Variants in SPON1 observed in about 807,000 individuals in gnomAD.
SPON1 encodes the protein spondin-1.
In SPON1, 52 loss-of-function variants were observed where a neutral mutation model predicts 111.7. The ratio of observed to expected loss-of-function variants is 0.47; its 90% CI spans 0.37 to 0.59. SPON1 has a LOEUF of 0.59. SPON1 is among the 20% of genes least tolerant of loss of function. The probability of loss-of-function intolerance (pLI) is 0.00; values close to 1 mark genes in which losing one functional copy is unlikely to be tolerated. For synonymous variants in SPON1, 410 were observed against 395.8 expected (o/e 1.04, Z -0.43); for missense variants, 957 against 1,068.5 (o/e 0.90, Z 1.46).
At chr11:14,031,521 A>T (rs556923223) in intron 2 of SPON1, among the ~76,000 whole-genome samples, 53 of 152,318 alleles carry the variant, frequency 3.5e-4, no homozygotes, top group African/African-American at 1.3e-3. Context: ...CTGGAAAAAT[A>T]TTGAGGCTCC....
At chr11:14,211,967 C>T (rs1771669805) in intron 6 of SPON1, among the ~76,000 whole-genome samples, 1 of 151,770 alleles carries the variant, frequency 6.6e-6, no homozygotes, top group African/African-American at 2.4e-5. Context: ...TAATCTTAAT[C>T]CATTATTGAT....
intron 3 of SPON1, among the ~76,000 whole-genome samples, chr11:14,073,569 T>C (rs569186539): frequency 1.2e-4 from 18 of 152,310 alleles, no homozygotes; most frequent in African/African-American, 4.3e-4. Flanking sequence ...AATTAGCTCC[T>C]AGTTTGCTCT....
intron 3 of SPON1, among the ~76,000 whole-genome samples, chr11:14,068,692 C>T (rs1246735170): frequency 1.8e-4 from 28 of 152,302 alleles, no homozygotes; most frequent in African/African-American, 6.3e-4. Context: ...AGAAGTTACA[C>T]CTGGTCAACC....
chr11:14,195,422 C>T (rs935827880), intron 6 of SPON1, among the ~76,000 whole-genome samples: 2 of 152,100 alleles, frequency 1.3e-5, no homozygotes, highest in Non-Finnish European at 2.9e-5. Context: ...GGCCTGGAAT[C>T]AAAGGACAAA....
intron 3 of SPON1, among the ~76,000 whole-genome samples, chr11:14,063,399 C>A (rs1554920061): frequency 6.6e-6 from 1 of 152,116 alleles, no homozygotes; most frequent in Admixed American, 6.6e-5. Flanking sequence ...GGTTTCCTTC[C>A]TTCCCTCCCT....
chr11:14,205,555 C>T (rs562214452), intron 6 of SPON1, among the ~76,000 whole-genome samples: 2 of 152,234 alleles, frequency 1.3e-5, no homozygotes, highest in African/African-American at 2.4e-5. Flanking sequence ...CTGTTTAGGT[C>T]GGAGTTTTAT....
rs575458265 is a variant in SPON1, at chr11:14,099,869, G to C, written c.676+19848G>C. ...GGAAGCAACTGATGTCATACGGTGAGAGAAGGAGTGAGGGACAGAGGGAAG... is the reference window on the plus strand; with the variant it reads ...GGAAGCAACTGATGTCATACGGTGACAGAAGGAGTGAGGGACAGAGGGAAG... On this transcript the variant is annotated intron_variant, in intron 5 of 15. Transcript: ENST00000576479. 1.1e-3 allele frequency among the ~76,000 whole-genome samples: 168 copies of C among 152,186 alleles called. 1 individual carries two copies. Among genetic ancestry groups the C allele is most frequent in the Middle Eastern group, 6.8e-3 (2 of 294 alleles).
chr11:14,090,749 C>G (rs1315036128), intron 5 of SPON1, among the ~76,000 whole-genome samples: 2 of 146,634 alleles, frequency 1.4e-5, no homozygotes, highest in African/African-American at 5.2e-5. Flanking sequence ...AGCAAAAGAA[C>G]AAAGCTTCCA....
intron 6 of SPON1, among the ~76,000 whole-genome samples, chr11:14,234,462 CAG>C (rs1591421339): frequency 6.6e-6 from 1 of 152,190 alleles, no homozygotes; most frequent in African/African-American, 2.4e-5. Context: ...TGATTTTACT[CAG>C]GGGAGCAGCA....
In SPON1 at chr11:14,160,833, A is replaced by T. The variant is rs868965036; in HGVS notation, c.825+25265A>T. On this transcript the variant is annotated intron_variant, in intron 6 of 15. Transcript: ENST00000576479. ...ATATTTTTATATATATTTTATATAT[A>T]TTTATATATTTATATATTTATATAT... Among the ~76,000 whole-genome samples, 2 of 40,214 alleles carry T rather than the reference A, an allele frequency of 5.0e-5. 1 individual carries two copies. Among genetic ancestry groups the T allele is most frequent in the Non-Finnish European group, 8.5e-5 (2 of 23,534 alleles). The allele number at this position is 40,214 out of a possible 152,430, so 26.4% of individuals were successfully genotyped here. A position where few individuals can be genotyped will look rare whatever the true frequency, so the allele number is the denominator to read the frequency against.
In SPON1 at chr11:14,124,904, G is replaced by A. The variant is rs542460670; in HGVS notation, c.677-10516G>A. On this transcript the variant is annotated intron_variant, in intron 5 of 15. Transcript: ENST00000576479. ...TAAGTGCAAGAGTTTTCCTGGGAAC[G>A]GAAAAGTGGCACTTTCCTTGAGGCC... Among the ~76,000 whole-genome samples, 19 of 152,280 alleles carry A rather than the reference G, an allele frequency of 1.2e-4. No homozygotes were observed. The South Asian group carries it at 2.1e-3, about 17-fold the overall frequency.
intron 6 of SPON1, among the ~76,000 whole-genome samples, chr11:14,169,849 G>T (rs1173899483): frequency 6.6e-6 from 1 of 152,032 alleles, no homozygotes; most frequent in African/African-American, 2.4e-5. Context: ...TGTTCCATTG[G>T]TCTATATCTC....
Position 14,088,563 on chromosome 11 carries a change from AT to A in SPON1, c.676+8548del, listed in dbSNP as rs548753436. On this transcript the variant is annotated intron_variant, in intron 5 of 15. Coordinates refer to ENST00000576479, the MANE Select transcript of SPON1 (RefSeq NM_006108.4). ...ACCTTTCTCTCTGGCTGCCCTTAAC[AT>A]TTTTTCCTTCATTTCAACCTTGGTG... 1.8e-3 allele frequency among the ~76,000 whole-genome samples: 268 copies of A among 149,956 alleles called. 1 individual carries two copies. Among genetic ancestry groups the A allele is most frequent in the African/African-American group, 5.7e-3 (230 of 40,632 alleles).
chr11:14,171,689 G>A (rs1234531878), intron 6 of SPON1, among the ~76,000 whole-genome samples: 1 of 151,930 alleles, frequency 6.6e-6, no homozygotes, highest in Non-Finnish European at 1.5e-5. Flanking sequence ...CTGGTATGTT[G>A]TGTCTTTGTT....
In SPON1 at chr11:14,161,952, G is replaced by C. The variant is rs190960821; in HGVS notation, c.825+26384G>C. Among the ~76,000 whole-genome samples the C allele has an allele frequency of 9.6e-4, 145 of 151,778 alleles. 1 individual carries two copies. Among genetic ancestry groups the C allele is most frequent in the East Asian group, 5.3e-3 (27 of 5,110 alleles). On this transcript the variant is annotated intron_variant, in intron 6 of 15. Coordinates refer to ENST00000576479, the MANE Select transcript of SPON1 (RefSeq NM_006108.4). ...GCAGATCACTTGAGGTCAGGAGTTCGAGACCAGCCTGGCTAACATGGCAAA... is the reference window on the plus strand; with the variant it reads ...GCAGATCACTTGAGGTCAGGAGTTCCAGACCAGCCTGGCTAACATGGCAAA...
intron 6 of SPON1, among the ~76,000 whole-genome samples, chr11:14,172,343 T>G (rs1396871873): frequency 6.6e-6 from 1 of 151,914 alleles, no homozygotes; most frequent in African/African-American, 2.4e-5. Flanking sequence ...TCCATTTGCT[T>G]GGTAGATCTT....
intron 3 of SPON1, among the ~76,000 whole-genome samples, chr11:14,073,172 T>C (rs1434842616): frequency 3.3e-5 from 5 of 152,188 alleles, no homozygotes; most frequent in Non-Finnish European, 5.9e-5. Context: ...AATAATTTTG[T>C]GCCTAAAACA....
chr11:13,973,018 T>G (rs782456361), intron 1 of SPON1, among the ~76,000 whole-genome samples: 3 of 152,204 alleles, frequency 2.0e-5, no homozygotes, highest in Admixed American at 1.3e-4. Context: ...TCTGTCTTGC[T>G]CCTTCCATCC....
At chr11:14,031,394 G>A (rs534273004) in intron 2 of SPON1, among the ~76,000 whole-genome samples, 1 of 152,264 alleles carries the variant, frequency 6.6e-6, no homozygotes, top group African/African-American at 2.4e-5. Flanking sequence ...AGGGAAAAGG[G>A]ACAGGATTTA....
Sources: gnomAD v4.1 joint callset for allele counts (sites outside exome capture counted in the v4.1 genomes callset) on GRCh38, gnomAD v4.1.1 for gene constraint, MANE v1.5 for transcripts, NCBI Gene and HGNC (gene_info 2026-07-23, HGNC 2026-07-21) for gene names.